The following GPC6 variants were observed in gnomAD, a reference collection of about 807,000 sequenced individuals.
GPC6 encodes glypican-6.
A neutral mutation model predicts 55.2 loss-of-function variants in GPC6; 14 were observed. The ratio of observed to expected loss-of-function variants is 0.25; its 90% CI spans 0.17 to 0.40. The LOEUF (loss-of-function observed/expected upper bound fraction) is 0.40, where lower values mean the gene tolerates loss of function less well. Among genes scored for constraint, GPC6 ranks in the 10% least tolerant of loss-of-function variants. The pLI is 1.00. For synonymous variants in GPC6, 278 were observed against 259.6 expected (o/e 1.07, Z -0.68); for missense variants, 641 against 708.5 (o/e 0.90, Z 1.08).
intron 1 of GPC6, among the ~76,000 whole-genome samples, chr13:93,480,636 C>T (rs1232915912): frequency 6.6e-6 from 1 of 152,184 alleles, no homozygotes; most frequent in African/African-American, 2.4e-5. Context: ...ACCCTGTATC[C>T]ACTAGTGGTC....
chr13:93,533,782 T>G (rs988613352), intron 1 of GPC6, among the ~76,000 whole-genome samples: 1 of 151,594 alleles, frequency 6.6e-6, no homozygotes, highest in Admixed American at 6.6e-5. Flanking sequence ...AAGTTGCTCT[T>G]GCTGTCAGCC....
intron 4 of GPC6, among the ~76,000 whole-genome samples, chr13:94,183,706 C>G (rs1266328077): frequency 2.6e-5 from 4 of 152,176 alleles, no homozygotes; most frequent in Admixed American, 2.6e-4. Flanking sequence ...TTCAATTTCT[C>G]CACACCCTTG....
At chr13:93,685,217 C>T (rs1273813976) in intron 2 of GPC6, among the ~76,000 whole-genome samples, 1 of 152,114 alleles carries the variant, frequency 6.6e-6, no homozygotes, top group East Asian at 1.9e-4. Context: ...CAAGGCAGAC[C>T]AGTGCCTGTA....
intron 2 of GPC6, among the ~76,000 whole-genome samples, chr13:93,637,122 T>G (rs546193574): frequency 6.6e-6 from 1 of 152,108 alleles, no homozygotes; most frequent in Non-Finnish European, 1.5e-5. Flanking sequence ...GTAAGCTCAA[T>G]GATCAATGCT....
At chr13:93,600,317 A>G (rs1284702368) in intron 2 of GPC6, among the ~76,000 whole-genome samples, 1 of 152,218 alleles carries the variant, frequency 6.6e-6, no homozygotes, top group Non-Finnish European at 1.5e-5. Flanking sequence ...TGTTGCTAAT[A>G]TAATTACAAT....
chr13:93,510,973 G>GTATATATATATGTATATATA (rs1566396641), intron 1 of GPC6, among the ~76,000 whole-genome samples: 2 of 60,908 alleles, frequency 3.3e-5, no homozygotes, highest in Non-Finnish European at 6.6e-5. Flanking sequence ...ATATATATGT[G>GTATATATATATGTATATATA]TATATATATA....
intron 2 of GPC6, among the ~76,000 whole-genome samples, chr13:93,586,144 G>T (rs969786216): frequency 1.3e-5 from 2 of 152,004 alleles, no homozygotes; most frequent in South Asian, 2.1e-4. Flanking sequence ...CCAAGTGTGT[G>T]TTGCTCCCCT....
chr13:93,372,671 T>C (rs1874720856), intron 1 of GPC6, among the ~76,000 whole-genome samples: 1 of 152,186 alleles, frequency 6.6e-6, no homozygotes, highest in African/African-American at 2.4e-5. Flanking sequence ...CGTTCACTTT[T>C]TAAAATATGA....
intron 6 of GPC6, among the ~76,000 whole-genome samples, chr13:94,316,012 T>A (rs964842005): frequency 1.3e-5 from 2 of 152,150 alleles, no homozygotes; most frequent in Non-Finnish European, 2.9e-5. Context: ...AGACAATTCC[T>A]CTTCTTCCAA....
At chr13:93,703,461 T>G (rs1450528101) in intron 2 of GPC6, among the ~76,000 whole-genome samples, 3 of 151,948 alleles carry the variant, frequency 2.0e-5, no homozygotes, top group Admixed American at 2.0e-4. Context: ...AAAATGGCAC[T>G]GACAAAAGGC....
chr13:94,066,231 A>T (rs1884511367), intron 4 of GPC6, among the ~76,000 whole-genome samples: 1 of 152,118 alleles, frequency 6.6e-6, no homozygotes, highest in African/African-American at 2.4e-5. Context: ...TGTTTTTTAA[A>T]ATTGGATTTG....
intron 6 of GPC6, among the ~76,000 whole-genome samples, chr13:94,314,681 G>A (rs992234363): frequency 2.0e-4 from 30 of 152,090 alleles, no homozygotes; most frequent in Non-Finnish European, 3.5e-4. Flanking sequence ...GAAAATCTGC[G>A]ACAATATTTT....
At chr13:93,439,695 A>AATG (rs1566358079) in intron 1 of GPC6, among the ~76,000 whole-genome samples, 79 of 137,600 alleles carry the variant, frequency 5.7e-4, no homozygotes, top group African/African-American at 2.4e-3. Context: ...ATAAATAAAA[A>AATG]AAATAAAATA....
At position 94,306,221 on chromosome 13, in the gene GPC6, G is replaced by A. The variant is rs900648419; in HGVS notation, c.1152+98G>A. ...GATTCTGGAAAAGTTTGTTATAAGA[G>A]TCATCTCATGCTTATATCTGCCTCT... On this transcript the variant is annotated intron_variant, in intron 6 of 8. Transcript: ENST00000377047. 9.1e-6 allele frequency: 11 copies of A among 1,214,276 alleles called. No homozygotes were observed. The East Asian group carries it at 2.3e-4, about 26-fold the overall frequency. 75.2% of individuals were successfully genotyped at this position (1,214,276 alleles called of 1,614,324 possible).
intron 5 of GPC6, among the ~76,000 whole-genome samples, chr13:94,292,556 A>G (rs1875042450): frequency 6.6e-6 from 1 of 152,158 alleles, no homozygotes; most frequent in Non-Finnish European, 1.5e-5. Flanking sequence ...TTTTGATAGT[A>G]CACAATATAA....
chr13:93,923,337 G>A (rs74109128), intron 3 of GPC6, among the ~76,000 whole-genome samples: 4,835 of 152,258 alleles, frequency 0.032, 83 homozygotes, highest in Middle Eastern at 0.058. Flanking sequence ...GAAAAGGGCA[G>A]CTGTTTCCTC....
intron 1 of GPC6, among the ~76,000 whole-genome samples, chr13:93,387,342 A>G (rs1875448855): frequency 1.3e-5 from 2 of 151,788 alleles, no homozygotes; most frequent in African/African-American, 4.8e-5. Context: ...CACCCCCAAC[A>G]GGCCCCAGTG....
At chr13:94,155,333 T>C (rs497636) in intron 4 of GPC6, among the ~76,000 whole-genome samples, 86,418 of 151,904 alleles carry the variant, frequency 0.57, 26,393 homozygotes, top group Non-Finnish European at 0.67. Flanking sequence ...TGCTCTCTCC[T>C]ACACCTTTTA....
intron 4 of GPC6, among the ~76,000 whole-genome samples, chr13:94,153,681 C>T (rs965150371): frequency 6.6e-6 from 1 of 152,162 alleles, no homozygotes; most frequent in Non-Finnish European, 1.5e-5. Context: ...TGTATTAGTA[C>T]AGGAGTTAAA....
Sources: allele counts gnomAD v4.1 joint callset (sites outside exome capture counted in the v4.1 genomes callset), GRCh38; gene constraint gnomAD v4.1.1; transcripts MANE v1.5; gene names NCBI Gene and HGNC (gene_info 2026-07-23, HGNC 2026-07-21).